The following SYNJ1 variants were observed in gnomAD, a reference collection of about 807,000 sequenced individuals.
SYNJ1 encodes the protein synaptojanin 1.
SYNJ1 carries 78 observed loss-of-function variants against 168.2 expected under a neutral mutation model. That is an observed-to-expected ratio of 0.46 (90% CI 0.39 to 0.56). The LOEUF is 0.56. SYNJ1 is among the 20% of genes least tolerant of loss of function. The probability of loss-of-function intolerance (pLI) is 0.00; values close to 1 mark genes in which losing one functional copy is unlikely to be tolerated. For synonymous variants in SYNJ1, 539 were observed against 548.6 expected, an observed-to-expected ratio of 0.98 and a Z score of 0.24; for missense variants, 1,303 against 1,597.6, an observed-to-expected ratio of 0.82 and a Z score of 3.14.
Position 32,726,797 on chromosome 21 carries a change from G to A in SYNJ1, c.99C>T (p.Phe33=), listed in dbSNP as rs746651449. 2 of 1,614,136 alleles carry A rather than the reference G, an allele frequency of 1.2e-6. No individual in the cohort carries two copies. The highest frequency in any genetic ancestry group is 1.7e-6 in the Non-Finnish European group (2 of 1,180,032). The change falls in exon 2 of 33, where the codon TTC becomes TTT. Residue 33 remains phenylalanine (F), a synonymous_variant. Transcript: ENST00000674351. ...ETRHKEECLM[F]ESGAVAVLSS... is the part of the protein sequence containing the mutation. Reference sequence around the variant, plus strand: ...AGAGCACAGCGACAGCCCCAGACTCGAACATGAGACATTCTTCCTTATGCC... The same window carrying A: ...AGAGCACAGCGACAGCCCCAGACTCAAACATGAGACATTCTTCCTTATGCC...
In SYNJ1 at chr21:32,638,819, C is replaced by A. The variant is rs1159047094; in HGVS notation, c.3915+89G>T. On this transcript the variant is annotated intron_variant, in intron 31 of 32. Coordinates refer to ENST00000674351, the MANE Select transcript of SYNJ1 (RefSeq NM_203446.3). ...TTAAAACTCGTATTTATTTTTACTT[C>A]TTATAACAGGCAATAATTAAAATAG... is the stretch of plus-strand genomic sequence containing the variant. 7 of 1,271,048 alleles carry A rather than the reference C, an allele frequency of 5.5e-6. No homozygotes were observed. In the African/African-American group the frequency reaches 8.9e-5, roughly 16 times the overall value. The allele number at this position is 1,271,048 out of a possible 1,614,324, so 78.7% of individuals were successfully genotyped here. A position where few individuals can be genotyped will look rare whatever the true frequency, so the allele number is the denominator to read the frequency against.
In SYNJ1 at chr21:32,670,322, C is replaced by T. The variant is rs1278070975; in HGVS notation, c.1777G>A (p.Val593Ile). 2 of 1,613,528 alleles carry T rather than the reference C, an allele frequency of 1.2e-6. No individual in the cohort carries two copies. Among genetic ancestry groups the T allele is most frequent in the Non-Finnish European group, 1.7e-6 (2 of 1,179,842 alleles). The change falls in exon 15 of 33, where the codon GTA (valine) becomes ATA (isoleucine). Residue 593 changes from valine (V) to isoleucine (I), a missense_variant. By Grantham distance (29) the Val-to-Ile change is conservative. Transcript: ENST00000674351. Reference protein sequence around the residue: ...DIFAIGFEEMVELNAGNIVSA... With the variant: ...DIFAIGFEEMIELNAGNIVSA... ...ACAATGTTTCCAGCATTCAATTCTA[C>T]CATTTCTTCAAAACCAATTGCAAAT...
chr21:32,672,913 TATTTTAATTATGTA>T (rs2041261744), intron 14 of SYNJ1, among the ~76,000 whole-genome samples: 1 of 152,230 alleles, frequency 6.6e-6, no homozygotes, highest in African/African-American at 2.4e-5. Flanking sequence ...TGATCAATTA[TATTTTAATTATGTA>T]ATTTTAATTA....
At chr21:32,633,288 C>A (rs2039423018) in intron 32 of SYNJ1, among the ~76,000 whole-genome samples, 1 of 152,120 alleles carries the variant, frequency 6.6e-6, no homozygotes, top group South Asian at 2.1e-4. Context: ...TTCCTTCACT[C>A]CTGCCCTAAA....
intron 31 of SYNJ1, among the ~76,000 whole-genome samples, chr21:32,637,771 G>A (rs943248178): frequency 6.6e-6 from 1 of 152,116 alleles, no homozygotes; most frequent in Non-Finnish European, 1.5e-5. Flanking sequence ...GTATTAACCA[G>A]CTTAAGGGAA....
intron 2 of SYNJ1, among the ~76,000 whole-genome samples, chr21:32,726,182 T>C (rs1273676486): frequency 6.6e-6 from 1 of 152,218 alleles, no homozygotes; most frequent in Non-Finnish European, 1.5e-5. Flanking sequence ...TTAATTTTAA[T>C]TTCATCCATC....
In SYNJ1 at chr21:32,657,068, C is replaced by T. The variant is rs1367273913; in HGVS notation, c.2514G>A (p.Leu838=). The T allele has an allele frequency of 2.5e-6, 4 of 1,614,170 alleles. No homozygotes were observed. The highest frequency in any genetic ancestry group is 4.5e-5 in the East Asian group (2 of 44,878). The change falls in exon 20 of 33, where the codon CTG becomes CTA. Residue 838 remains leucine (L), a synonymous_variant. Coordinates refer to ENST00000674351, the MANE Select transcript of SYNJ1 (RefSeq NM_203446.3). ...GCAAAGTGCCTGGAGTCCACGTGTA[C>T]AGAATTTTGCTTTCATCTTGAAAAC... ...NASFQDESKI[L]YTWTPGTLLH... is the part of the protein sequence containing the mutation.
intron 29 of SYNJ1, among the ~76,000 whole-genome samples, chr21:32,640,165 TAG>T (rs1229866587): frequency 6.6e-6 from 1 of 152,170 alleles, no homozygotes; most frequent in Admixed American, 6.5e-5. Context: ...GCTGCAGGGC[TAG>T]GGTTCTTAAC....
intron 1 of SYNJ1, 79 bp from the exon 2 acceptor site, chr21:32,726,996 C>T: frequency 6.5e-7 from 1 of 1,527,066 alleles, no homozygotes; most frequent in Non-Finnish European, 8.8e-7. Flanking sequence ...TCCAAAAGTC[C>T]CTCCCCGCCA....
At chr21:32,723,274 G>C (rs560888196) in intron 2 of SYNJ1, among the ~76,000 whole-genome samples, 117 of 152,330 alleles carry the variant, frequency 7.7e-4, no homozygotes, top group African/African-American at 2.5e-3. Flanking sequence ...AAAATTTCAT[G>C]TTGGGTATCT....
intron 2 of SYNJ1, among the ~76,000 whole-genome samples, chr21:32,726,032 G>T (rs565695631): frequency 6.6e-6 from 1 of 152,182 alleles, no homozygotes; most frequent in Non-Finnish European, 1.5e-5. Flanking sequence ...TACAGAAAGG[G>T]TTTCACCACG....
chr21:32,657,990 T>C lies in SYNJ1; in HGVS notation c.2305-118A>G, dbSNP rs558532626. On this transcript the variant is annotated intron_variant, in intron 18 of 32. Transcript: ENST00000674351. ...TGGATGCTCTCAGAAGAAATCTGTA[T>C]GCGTCTGATGAACACTTCTAGCTGA... 5 of 725,238 alleles carry C rather than the reference T, an allele frequency of 6.9e-6. No homozygotes were observed. In the African/African-American group the frequency reaches 7.2e-5, roughly 10 times the overall value. The allele number at this position is 725,238 out of a possible 1,614,324, so 44.9% of individuals were successfully genotyped here.
intron 2 of SYNJ1, among the ~76,000 whole-genome samples, chr21:32,710,401 A>C (rs902672847): frequency 6.6e-6 from 1 of 152,204 alleles, no homozygotes; most frequent in Non-Finnish European, 1.5e-5. Flanking sequence ...GAAAGGAGAG[A>C]GATAACTCTG....
At chr21:32,697,259 C>A (rs115334688) in intron 4 of SYNJ1, among the ~76,000 whole-genome samples, 1,601 of 152,262 alleles carry the variant, frequency 0.011, 43 homozygotes, top group African/African-American at 0.037. Flanking sequence ...ACAAAAATTA[C>A]ATGGTTGTAT....
At chr21:32,692,224 G>C (rs967489841) in intron 6 of SYNJ1, among the ~76,000 whole-genome samples, 4 of 152,196 alleles carry the variant, frequency 2.6e-5, no homozygotes, top group African/African-American at 7.2e-5. Context: ...ATAGCCATTA[G>C]AGTAGGATCT....
chr21:32,631,847 T>TGAG, intron 32 of SYNJ1, 46 bp from the exon 33 acceptor site: 1 of 1,480,356 alleles, frequency 6.8e-7, no homozygotes, highest in Non-Finnish European at 9.2e-7. Flanking sequence ...TATTTACTCT[T>TGAG]AATACCCCCT....
intron 31 of SYNJ1, 127 bp from the exon 32 acceptor site, chr21:32,635,011 T>C: frequency 1.1e-6 from 1 of 905,706 alleles, no homozygotes; most frequent in Non-Finnish European, 1.7e-6. Context: ...AGCAGCAATA[T>C]TTGCAGGTTG....
chr21:32,675,192 A>G (rs2041356432), intron 13 of SYNJ1, among the ~76,000 whole-genome samples: 1 of 152,234 alleles, frequency 6.6e-6, no homozygotes, highest in Admixed American at 6.5e-5. Context: ...ATTCTATATC[A>G]ACACACAAGT....
In SYNJ1 at chr21:32,685,662, TAAA is replaced by T. The variant is rs1871517724; in HGVS notation, c.1118+83_1118+85del. The T allele has an allele frequency of 3.1e-6, 3 of 963,644 alleles. No individual in the cohort carries two copies. In the South Asian group the frequency reaches 1.3e-4, roughly 41 times the overall value. 59.7% of individuals were successfully genotyped at this position (963,644 alleles called of 1,614,324 possible). A position where few individuals can be genotyped will look rare whatever the true frequency, so the allele number is the denominator to read the frequency against. ...GATATTTAATTATAAACTTTAATTTTAAAAAGAAAATTTAAGAGTTCAACGTTA... is the reference window on the plus strand; with the variant it reads ...GATATTTAATTATAAACTTTAATTTTAAGAAAATTTAAGAGTTCAACGTTA... On this transcript the variant is annotated intron_variant, in intron 9 of 32. Transcript: ENST00000674351.
Sources: gnomAD v4.1 joint callset for allele counts (sites outside exome capture counted in the v4.1 genomes callset) on GRCh38, gnomAD v4.1.1 for gene constraint, MANE v1.5 for transcripts, NCBI Gene and HGNC (gene_info 2026-07-23, HGNC 2026-07-21) for gene names.